BSN: variants seen among roughly 807,000 people sequenced by gnomAD.
The protein encoded by BSN is bassoon presynaptic cytomatrix protein, also known as protein bassoon.
BSN carries 57 observed loss-of-function variants against 264.8 expected under a neutral mutation model. That is an observed-to-expected ratio of 0.22 (90% CI 0.17 to 0.27). The LOEUF (loss-of-function observed/expected upper bound fraction) is 0.27, where lower values mean the gene tolerates loss of function less well. Ranked by LOEUF, BSN falls within the 10% of genes least tolerant of loss-of-function variation. The pLI is 1.00. For synonymous variants in BSN, 2,059 were observed against 2,137.3 expected (o/e 0.96, Z 1.01); for missense variants, 4,615 against 5,232.5 (o/e 0.88, Z 3.64).
Position 49,660,537 on chromosome 3 carries a change from C to T in BSN, c.8692C>T (p.Pro2898Ser). Residue 2898 changes from proline (P) to serine (S), a missense_variant, in exon 6 of 12, where the codon CCC (proline) becomes TCC (serine). Physicochemically the swap from Pro to Ser is moderately conservative, Grantham distance 74. Coordinates refer to ENST00000296452, the MANE Select transcript of BSN (RefSeq NM_003458.4). This position sits in a 1 kb window ranked among gnomAD's most constrained non-coding sequence, Gnocchi z 7.1. The stretch of plus-strand genomic sequence containing the variant: ...GGTCCGCAAGGTGAAGCGGACACTG[C>T]CCAGCCCCCCTCCAGAGGAGGCTCA... Reference protein sequence around the residue: ...SLVRKVKRTLPSPPPEEAHLP... With the variant: ...SLVRKVKRTLSSPPPEEAHLP... 1 of 1,570,880 alleles carries T rather than the reference C, an allele frequency of 6.4e-7. No individual in the cohort carries two copies. The highest frequency in any genetic ancestry group is 8.6e-7 in the Non-Finnish European group (1 of 1,156,928).
At chr3:49,556,110 A>G (rs183179067) in intron 1 of BSN, among the ~76,000 whole-genome samples, 2 of 152,254 alleles carry the variant, frequency 1.3e-5, no homozygotes, top group African/African-American at 2.4e-5. Flanking sequence ...AACACTGTCC[A>G]TTTTGCTGCA....
chr3:49,660,799 A>C lies in BSN; in HGVS notation c.8954A>C (p.Gln2985Pro). 6.2e-7 allele frequency: 1 copy of C among 1,613,148 alleles called. No homozygotes were observed. Among genetic ancestry groups the C allele is most frequent in the South Asian group, 1.1e-5 (1 of 91,086 alleles). ...AAGTACCTGGAGTTGGGTATCACAC[A>C]ACGCAAAGAGTCTTTGGCCAAAGAC... is the stretch of plus-strand genomic sequence containing the variant. ...KLKYLELGIT[Q>P]RKESLAKDRG... Residue 2985 changes from glutamine to proline, a missense_variant, in exon 6 of 12, where the codon CAA becomes CCA. Physicochemically the swap from Gln to Pro is moderately conservative, Grantham distance 76. Transcript: ENST00000296452. This position sits in a 1 kb window ranked among gnomAD's most constrained non-coding sequence, Gnocchi z 7.1.
Position 49,656,477 on chromosome 3 carries a change from G to A in BSN, c.6921G>A (p.Arg2307=). Residue 2307 remains arginine (R), a synonymous_variant, in exon 5 of 12, where the codon CGG becomes CGA. Transcript: ENST00000296452. ...SRPEMPVGAA[R]EEPLPTTTPA... is the part of the protein sequence containing the mutation. ...CAGAGATGCCAGTAGGGGCTGCACG[G>A]GAAGAGCCTCTTCCCACAACCACCC... The A allele has an allele frequency of 6.3e-7, 1 of 1,596,976 alleles. No individual in the cohort carries two copies. The highest frequency in any genetic ancestry group is 8.5e-7 in the Non-Finnish European group (1 of 1,170,216).
At chr3:49,606,015 AAT>A (rs1341661780) in intron 1 of BSN, among the ~76,000 whole-genome samples, 40 of 93,088 alleles carry the variant, frequency 4.3e-4, no homozygotes, top group Non-Finnish European at 7.0e-4. Context: ...TATACATAGA[AAT>A]ATATATTTAT....
rs1296114156 is a variant in BSN, at chr3:49,654,976, A to C, written c.5420A>C (p.Gln1807Pro). 2 of 1,612,906 alleles carry C rather than the reference A, an allele frequency of 1.2e-6. No individual in the cohort carries two copies. Among genetic ancestry groups the C allele is most frequent in the South Asian group, 1.1e-5 (1 of 91,022 alleles). ...AKFARYNLPN[Q>P]VAPLARRDVL... ...TTTGCCAGATATAACCTACCCAACC[A>C]AGTAGCTCCTCTGGCCAGAAGAGAC... Residue 1807 changes from glutamine (Q) to proline (P), a missense_variant, in exon 5 of 12, where the codon CAA becomes CCA. Physicochemically the swap from Gln to Pro is moderately conservative, Grantham distance 76 (BLOSUM62 -1). This residue lies in a region of BSN where 3,415 missense variants were observed against 3,866.4 expected (regional missense o/e 0.88). Transcript: ENST00000296452. The surrounding 1 kb of genome is among the most constrained non-coding windows in gnomAD (Gnocchi z 4.1).
chr3:49,623,762 A>T (rs1342904687), intron 1 of BSN, among the ~76,000 whole-genome samples: 1 of 152,236 alleles, frequency 6.6e-6, no homozygotes, highest in Non-Finnish European at 1.5e-5. Context: ...AGATGGCATT[A>T]ACTAGGCATT....
downstream of BSN, among the ~76,000 whole-genome samples, chr3:49,672,477 C>A (rs1261540204): frequency 7.2e-6 from 1 of 138,782 alleles, no homozygotes; most frequent in East Asian, 1.9e-4. Context: ...AAAGTTGGGA[C>A]TCTTTTTTTT....
intron 1 of BSN, 83 bp from the exon 2 acceptor site, chr3:49,624,892 C>A: frequency 7.5e-7 from 1 of 1,341,164 alleles, no homozygotes; most frequent in Non-Finnish European, 1.0e-6. Flanking sequence ...TGGGGCTTGG[C>A]AGGGTCACCT....
chr3:49,630,151 C>G (rs1275066509), intron 2 of BSN, among the ~76,000 whole-genome samples: 1 of 152,246 alleles, frequency 6.6e-6, no homozygotes, highest in Admixed American at 6.5e-5. Context: ...TTGTCTCATT[C>G]CCTCTACTCC....
chr3:49,560,046 A>G (rs1277039072), intron 1 of BSN, among the ~76,000 whole-genome samples: 3 of 152,182 alleles, frequency 2.0e-5, no homozygotes, highest in Non-Finnish European at 1.5e-5. Flanking sequence ...TAAGAAGTCA[A>G]AGCTTTCAGA....
At chr3:49,605,605 T>TAC (rs1321776203) in intron 1 of BSN, among the ~76,000 whole-genome samples, 1 of 16,846 alleles carries the variant, frequency 5.9e-5, no homozygotes, top group Non-Finnish European at 1.0e-4. Flanking sequence ...TAATATATAT[T>TAC]ATATATTATA....
chr3:49,641,088 G>A (rs928939068), intron 2 of BSN, among the ~76,000 whole-genome samples: 5 of 152,138 alleles, frequency 3.3e-5, no homozygotes, highest in Admixed American at 1.3e-4. Context: ...AAGGTGTGGT[G>A]GAAATCCACT....
Position 49,651,711 on chromosome 3 carries a change from C to T in BSN, c.2155C>T (p.Pro719Ser), listed in dbSNP as rs1398719709. ...TGCAGGGGTGACAGGGCCACATCCACCCAGCCCCTCCGAGATCCACAAGGT... is the reference window on the plus strand; with the variant it reads ...TGCAGGGGTGACAGGGCCACATCCATCCAGCCCCTCCGAGATCCACAAGGT... ...DSAGVTGPHP[P>S]SPSEIHKVGS... is the part of the protein sequence containing the mutation. The change falls in exon 5 of 12, where the codon CCC becomes TCC. Residue 719 changes from proline to serine, a missense_variant. Coordinates refer to ENST00000296452, the MANE Select transcript of BSN (RefSeq NM_003458.4). The surrounding 1 kb of genome is among the most constrained non-coding windows in gnomAD (Gnocchi z 5.4). 3 of 1,613,094 alleles carry T rather than the reference C, an allele frequency of 1.9e-6. No homozygotes were observed. Among genetic ancestry groups the T allele is most frequent in the African/African-American group, 2.7e-5 (2 of 74,700 alleles).
At position 49,643,010 on chromosome 3, in the gene BSN, C is replaced by T. The variant is rs778296588; in HGVS notation, c.1376C>T (p.Pro459Leu). Residue 459 changes from proline to leucine, a missense_variant, in exon 3 of 12, where the codon CCG (proline) becomes CTG (leucine). Transcript: ENST00000296452. ...SKAAAKPKTM[P>L]KERAICPLCQ... ...GCTGCTGCCAAGCCAAAGACCATGC[C>T]GAAGGAAAGGGCCATCTGCCCACTG... 20 of 1,614,068 alleles carry T rather than the reference C, an allele frequency of 1.2e-5. No homozygotes were observed. Among genetic ancestry groups the T allele is most frequent in the East Asian group, 2.2e-5 (1 of 44,878 alleles).
At chr3:49,586,212 AC>A (rs2051936212) in intron 1 of BSN, among the ~76,000 whole-genome samples, 6 of 152,040 alleles carry the variant, frequency 3.9e-5, no homozygotes, top group Admixed American at 3.9e-4. Context: ...TAGTAGTTTC[AC>A]AGTTTGAGGA....
rs757062848 is a variant in BSN at position 49,654,924 on chromosome 3, C to A, written c.5368C>A (p.Pro1790Thr). 6.2e-7 allele frequency: 1 copy of A among 1,611,506 alleles called. No homozygotes were observed. The highest frequency in any genetic ancestry group is 1.3e-5 in the African/African-American group (1 of 74,906). Residue 1790 changes from proline (P) to threonine (T), a missense_variant, in exon 5 of 12, where the codon CCC becomes ACC. By Grantham distance (38) the Pro-to-Thr change is conservative (BLOSUM62 -1). Coordinates refer to ENST00000296452, the MANE Select transcript of BSN (RefSeq NM_003458.4). The surrounding 1 kb of genome is among the most constrained non-coding windows in gnomAD (Gnocchi z 4.1). ...AVQTAPYRSG[P>T]RGRPREAKFA... ...CCAGACAGCCCCATACCGAAGTGGG[C>A]CCCGGGGAAGACCCAGGGAGGCCAA...
intron 1 of BSN, among the ~76,000 whole-genome samples, chr3:49,608,933 G>A (rs1174846746): frequency 2.6e-5 from 4 of 152,068 alleles, no homozygotes; most frequent in Admixed American, 2.6e-4. Context: ...GGAGAGAGAG[G>A]GAGGCCAAAG....
At chr3:49,559,438 C>T (rs1169830672) in intron 1 of BSN, among the ~76,000 whole-genome samples, 1 of 152,150 alleles carries the variant, frequency 6.6e-6, no homozygotes, top group Admixed American at 6.5e-5. Flanking sequence ...ATCAGTATTT[C>T]AGTTTGTATT....
At chr3:49,571,322 T>C (rs1270959740) in intron 1 of BSN, among the ~76,000 whole-genome samples, 2 of 152,126 alleles carry the variant, frequency 1.3e-5, no homozygotes, top group Non-Finnish European at 2.9e-5. Flanking sequence ...CTCCAGCCTC[T>C]GCTTGGTGAA....
Sources: allele counts gnomAD v4.1 joint callset (sites outside exome capture counted in the v4.1 genomes callset), GRCh38; gene constraint gnomAD v4.1.1; regional missense constraint gnomAD v4.1.1; non-coding constraint Gnocchi (gnomAD v3.1); transcripts MANE v1.5; gene names NCBI Gene and HGNC (gene_info 2026-07-23, HGNC 2026-07-21).